The following TMEM63B variants were observed in gnomAD, a reference collection of about 807,000 sequenced individuals.
The protein encoded by TMEM63B is transmembrane protein 63B.
A neutral mutation model predicts 102.6 loss-of-function variants in TMEM63B; 23 were observed. That is an observed-to-expected ratio of 0.22 (90% CI 0.16 to 0.32). TMEM63B has a LOEUF of 0.32. Among genes scored for constraint, TMEM63B ranks in the 10% least tolerant of loss-of-function variants. TMEM63B has a pLI of 1.00. For synonymous variants in TMEM63B, 444 were observed against 437.0 expected, an observed-to-expected ratio of 1.02 and a Z score of -0.20; for missense variants, 628 against 1,095.9, an observed-to-expected ratio of 0.57 and a Z score of 6.03.
intron 6 of TMEM63B, chr6:44,138,993 C>T (rs1763673899): frequency 8.1e-6 from 2 of 248,442 alleles, no homozygotes; most frequent in Admixed American, 1.0e-4. Flanking sequence ...TTCACTACGC[C>T]AGGCTCAGCC....
chr6:44,148,971 T>C lies in TMEM63B; in HGVS notation c.1413+26T>C. 1 of 1,614,006 alleles carries C rather than the reference T, an allele frequency of 6.2e-7. No homozygotes were observed. The highest frequency in any genetic ancestry group is 2.2e-5 in the East Asian group (1 of 44,862). On this transcript the variant is annotated intron_variant, in intron 15 of 23. Coordinates refer to ENST00000323267, the MANE Select transcript of TMEM63B (RefSeq NM_018426.3). The surrounding 1 kb of genome is among the most constrained non-coding windows in gnomAD (Gnocchi z 5.1). ...GTGAGGCCTCATGCCCCTGTCACTT[T>C]CCACGCTGGGTCACAACACACAGAT...
chr6:44,145,592 A>AAAAAC (rs1170314455), intron 10 of TMEM63B, among the ~76,000 whole-genome samples: 6 of 151,852 alleles, frequency 4.0e-5, no homozygotes, highest in Middle Eastern at 3.4e-3. Flanking sequence ...ACTCCGTCTC[A>AAAAAC]AAAACAAAAC....
chr6:44,129,609 C>T (rs527986673), intron 1 of TMEM63B, among the ~76,000 whole-genome samples: 34 of 152,288 alleles, frequency 2.2e-4, no homozygotes, highest in East Asian at 9.6e-4. Flanking sequence ...TATTCCCTGT[C>T]ACTCAGTGGC....
At position 44,152,809 on chromosome 6, in the gene TMEM63B, C is replaced by A; in HGVS notation, c.1942+111C>A. On this transcript the variant is annotated intron_variant, in intron 20 of 23. Transcript: ENST00000323267. The surrounding 1 kb of genome is among the most constrained non-coding windows in gnomAD (Gnocchi z 6.4). ...GAGTGGACAGGGCCCGGCTGGGAGA[C>A]CGGCCCCTCGGGGCTCCCGCCCGGT... is the stretch of plus-strand genomic sequence containing the variant. The A allele has an allele frequency of 1.1e-6, 1 of 914,734 alleles. No individual in the cohort carries two copies. Among genetic ancestry groups the A allele is most frequent in the Non-Finnish European group, 1.7e-6 (1 of 599,700 alleles). The allele number at this position is 914,734 out of a possible 1,614,324, so 56.7% of individuals were successfully genotyped here.
rs200329482 is a variant in TMEM63B at position 44,136,324 on chromosome 6, G to T, written c.279-25G>T. ...GGGGCTCAGACTCACCAGGCTCTCT[G>T]ATCTCTCATCTCCCTCACCCCCAGT... On this transcript the variant is annotated intron_variant, in intron 4 of 23. Transcript: ENST00000323267. 653 of 1,609,534 alleles carry T rather than the reference G, an allele frequency of 4.1e-4. 2 individuals are homozygous for T. The African/African-American group carries it at 7.4e-3, about 18-fold the overall frequency.
In TMEM63B at chr6:44,152,843, C is replaced by T; in HGVS notation, c.1942+145C>T. Reference sequence around the variant, plus strand: ...CGGGGCTCCCGCCCGGTCCCTGGCTCAGTCTGGGGCCTGGCCTGTGGGGAG... The same window carrying T: ...CGGGGCTCCCGCCCGGTCCCTGGCTTAGTCTGGGGCCTGGCCTGTGGGGAG... On this transcript the variant is annotated intron_variant, in intron 20 of 23. Coordinates refer to ENST00000323267, the MANE Select transcript of TMEM63B (RefSeq NM_018426.3). The surrounding 1 kb of genome is among the most constrained non-coding windows in gnomAD (Gnocchi z 6.4). 1.5e-6 allele frequency: 1 copy of T among 675,060 alleles called. No individual in the cohort carries two copies. The highest frequency in any genetic ancestry group is 1.8e-5 in the South Asian group (1 of 55,696). 41.8% of individuals were successfully genotyped at this position (675,060 alleles called of 1,614,324 possible). A position where few individuals can be genotyped will look rare whatever the true frequency, so the allele number is the denominator to read the frequency against.
intron 10 of TMEM63B, among the ~76,000 whole-genome samples, chr6:44,146,640 AG>A (rs772544525): frequency 6.6e-6 from 1 of 151,932 alleles, no homozygotes; most frequent in African/African-American, 2.4e-5. Context: ...TAGTAGAGAC[AG>A]GGTTTCACCA....
At chr6:44,139,634 G>A in intron 7 of TMEM63B, 25 bp downstream of exon 7, 5 of 1,614,196 alleles carry the variant, frequency 3.1e-6, no homozygotes, top group Non-Finnish European at 2.5e-6. Flanking sequence ...GGACGGCTAG[G>A]GTGGAGAGAG....
intron 10 of TMEM63B, among the ~76,000 whole-genome samples, chr6:44,143,219 A>C (rs1313037915): frequency 6.6e-6 from 1 of 152,246 alleles, no homozygotes; most frequent in East Asian, 1.9e-4. Flanking sequence ...TGTGATCAGC[A>C]TTAGTAGATG....
Position 44,152,530 on chromosome 6 carries a change from T to A in TMEM63B, c.1837-63T>A. 2.7e-6 allele frequency: 3 copies of A among 1,117,448 alleles called. No homozygotes were observed. The highest frequency in any genetic ancestry group is 4.0e-6 in the Non-Finnish European group (3 of 745,870). The allele number at this position is 1,117,448 out of a possible 1,614,324, so 69.2% of individuals were successfully genotyped here. ...TCCTGGCTCCCTTCCCCCTCCCTCC[T>A]TCCCTGCCCCTCTGGTCAGTCCCTG... On this transcript the variant is annotated intron_variant, in intron 19 of 23. Coordinates refer to ENST00000323267, the MANE Select transcript of TMEM63B (RefSeq NM_018426.3). The surrounding 1 kb of genome is among the most constrained non-coding windows in gnomAD (Gnocchi z 6.4).
chr6:44,144,147 T>C (rs1251887437), intron 10 of TMEM63B, among the ~76,000 whole-genome samples: 1 of 152,176 alleles, frequency 6.6e-6, no homozygotes, highest in Non-Finnish European at 1.5e-5. Flanking sequence ...GATCCGCTCA[T>C]TTACCACATG....
At position 44,148,393 on chromosome 6, in the gene TMEM63B, C is replaced by A; in HGVS notation, c.1121+8C>A. 1 of 1,614,228 alleles carries A rather than the reference C, an allele frequency of 6.2e-7. No homozygotes were observed. Among genetic ancestry groups the A allele is most frequent in the Non-Finnish European group, 8.5e-7 (1 of 1,180,042 alleles). ...TGAGACTATCACCGCCATGTGAGTC[C>A]CCAACTCGGCCCTCGGCCCTGAGCA... On this transcript the variant is annotated splice_region_variant and intron_variant, in intron 13 of 23. Coordinates refer to ENST00000323267, the MANE Select transcript of TMEM63B (RefSeq NM_018426.3). This position sits in a 1 kb window ranked among gnomAD's most constrained non-coding sequence, Gnocchi z 5.1.
At chr6:44,154,483 A>T (rs764517847) in intron 23 of TMEM63B, 38 bp downstream of exon 23, 3 of 1,610,214 alleles carry the variant, frequency 1.9e-6, no homozygotes, top group Non-Finnish European at 2.5e-6. Context: ...CCTCTGACAG[A>T]CTCAGCCTCA....
Position 44,127,639 on chromosome 6 carries a change from A to T in TMEM63B, c.-64A>T, listed in dbSNP as rs1409356811. 1.2e-5 allele frequency: 1 copy of T among 84,560 alleles called. No individual in the cohort carries two copies. Among genetic ancestry groups the T allele is most frequent in the Non-Finnish European group, 2.5e-5 (1 of 39,584 alleles). 5.2% of individuals were successfully genotyped at this position (84,560 alleles called of 1,614,324 possible). ...CCCTCCCCCAGCCCCGCCCCGCCCCAACCCGGGGCTCCGAGCCGGAGCCGA... is the reference window on the plus strand; with the variant it reads ...CCCTCCCCCAGCCCCGCCCCGCCCCTACCCGGGGCTCCGAGCCGGAGCCGA... On this transcript the variant is annotated 5_prime_UTR_variant, in exon 1 of 24. Coordinates refer to ENST00000323267, the MANE Select transcript of TMEM63B (RefSeq NM_018426.3).
chr6:44,151,786 T>C, intron 18 of TMEM63B, 60 bp from the exon 19 acceptor site: 1 of 1,520,926 alleles, frequency 6.6e-7, no homozygotes, highest in Non-Finnish European at 8.8e-7. Flanking sequence ...GTTCTGGCAG[T>C]GGGCGGGCGG....
intron 1 of TMEM63B, among the ~76,000 whole-genome samples, chr6:44,133,848 T>C (rs1007529539): frequency 3.3e-5 from 5 of 152,346 alleles, no homozygotes; most frequent in African/African-American, 1.2e-4. Flanking sequence ...GGAGTTGTAG[T>C]GCTCATAACA....
rs748124949 is a variant in TMEM63B, at chr6:44,139,741, T to C, written c.584T>C (p.Ile195Thr). Reference sequence around the variant, plus strand: ...GCCTACAGCTTTGGGAGAACCACCATTGCCAACTTGAAATCAGGGTAAGAT... The same window carrying C: ...GCCTACAGCTTTGGGAGAACCACCACTGCCAACTTGAAATCAGGGTAAGAT... ...NNAYSFGRTT[I>T]ANLKSGNNLL... Residue 195 changes from isoleucine to threonine, a missense_variant, in exon 8 of 24, where the codon ATT (isoleucine) becomes ACT (threonine). Ile to Thr is a moderately conservative substitution (Grantham distance 89). Coordinates refer to ENST00000323267, the MANE Select transcript of TMEM63B (RefSeq NM_018426.3). The C allele has an allele frequency of 6.2e-7, 1 of 1,614,052 alleles. No homozygotes were observed. Among genetic ancestry groups the C allele is most frequent in the Admixed American group, 1.7e-5 (1 of 60,012 alleles).
At chr6:44,139,912 G>A (rs1308781665) in intron 8 of TMEM63B, among the ~76,000 whole-genome samples, 153 bp downstream of exon 8, 5 of 152,288 alleles carry the variant, frequency 3.3e-5, no homozygotes, top group African/African-American at 9.6e-5. Flanking sequence ...ACAGAAGAGG[G>A]AAATGCCTGC....
chr6:44,137,936 T>C (rs948605503), intron 5 of TMEM63B, among the ~76,000 whole-genome samples: 2 of 152,044 alleles, frequency 1.3e-5, no homozygotes, highest in Non-Finnish European at 1.5e-5. Flanking sequence ...CTGACCTCAG[T>C]TGATCCGCCC....
Sources: allele counts gnomAD v4.1 joint callset (sites outside exome capture counted in the v4.1 genomes callset), GRCh38; gene constraint gnomAD v4.1.1; non-coding constraint Gnocchi (gnomAD v3.1); transcripts MANE v1.5; gene names NCBI Gene and HGNC (gene_info 2026-07-23, HGNC 2026-07-21).